The following WDPCP variants were observed in gnomAD, a reference collection of about 807,000 sequenced individuals.
WDPCP encodes WD repeat containing planar cell polarity effector.
A neutral mutation model predicts 93.1 loss-of-function variants in WDPCP; 71 were observed. The observed-to-expected ratio is 0.76, with a 90% CI of 0.63 to 0.93. WDPCP has a LOEUF of 0.93. WDPCP is among the 40% of genes least tolerant of loss of function. The probability of loss-of-function intolerance (pLI) is 0.00; values close to 1 mark genes in which losing one functional copy is unlikely to be tolerated. For synonymous variants in WDPCP, 315 were observed against 315.0 expected (o/e 1.00, Z 0.00); for missense variants, 844 against 887.4 (o/e 0.95, Z 0.62).
intron 1 of WDPCP, among the ~76,000 whole-genome samples, chr2:63,520,704 C>A (rs1252955398): frequency 6.6e-6 from 1 of 151,988 alleles, no homozygotes. Context: ...CCAGCCTGGG[C>A]AACATGGCAA....
rs147079221 is a variant in WDPCP at position 63,709,310 on chromosome 2, G to A, written n.309-58472C>T. 4.3e-3 allele frequency among the ~76,000 whole-genome samples: 654 copies of A among 151,898 alleles called. 4 individuals carry two copies. The highest frequency in any genetic ancestry group is 0.015 in the African/African-American group (603 of 41,406). ...AGCCTGGGTAACAGACCGAAACTCC[G>A]TCCCGAAAAAAAGAATGGAAAATTT... On this transcript the variant is annotated intron_variant and non_coding_transcript_variant, in intron 2 of 4. Transcript: ENST00000467687.
the WDPCP span, among the ~76,000 whole-genome samples, chr2:63,833,114 G>A: frequency 6.6e-6 from 1 of 152,282 alleles, no homozygotes; most frequent in East Asian, 1.9e-4. Context: ...CTAGCCAGGT[G>A]TGGTGGCAGG....
intron 2 of WDPCP, among the ~76,000 whole-genome samples, chr2:63,713,478 G>A (rs17619598): frequency 0.18 from 27,659 of 152,102 alleles, 2,756 homozygotes; most frequent in Middle Eastern, 0.27. Flanking sequence ...ATGTCTATGG[G>A]AACGTTCTGA....
chr2:63,700,773 A>C (rs1007249519), intron 2 of WDPCP, among the ~76,000 whole-genome samples: 4 of 152,188 alleles, frequency 2.6e-5, no homozygotes, highest in Non-Finnish European at 5.9e-5. Flanking sequence ...ATGGGGAAAG[A>C]ACAGGCTCTT....
chr2:63,323,511 T>C (rs1294408750), intron 12 of WDPCP, among the ~76,000 whole-genome samples: 2 of 152,148 alleles, frequency 1.3e-5, no homozygotes, highest in Admixed American at 6.5e-5. Context: ...TCAGAAATTG[T>C]ATCCTTCCTA....
intron 1 of WDPCP, among the ~76,000 whole-genome samples, chr2:63,555,893 T>G (rs1553432399): frequency 6.6e-6 from 1 of 151,720 alleles, no homozygotes; most frequent in Non-Finnish European, 1.5e-5. Context: ...CTCACAAAGA[T>G]GAGAAAGAAT....
intron 12 of WDPCP, among the ~76,000 whole-genome samples, chr2:63,337,626 G>C (rs1249617945): frequency 6.6e-6 from 1 of 152,158 alleles, no homozygotes; most frequent in South Asian, 2.1e-4. Context: ...CTCACCAACG[G>C]TGTATAAGAA....
Position 63,579,669 on chromosome 2 carries a change from C to G in WDPCP, c.75+8528G>C, listed in dbSNP as rs146046410. ...ACAATCACTTAAAGAAAAACAAAGC[C>G]TTTCGTACTGATGCAATCCACTGAA... On this transcript the variant is annotated intron_variant, in intron 1 of 17. Transcript: ENST00000272321. Among the ~76,000 whole-genome samples the G allele has an allele frequency of 2.7e-3, 416 of 151,980 alleles. 1 individual carries two copies. The highest frequency in any genetic ancestry group is 6.8e-3 in the Middle Eastern group (2 of 294).
chr2:63,496,185 TTAAA>T (rs1701211628), intron 1 of WDPCP, among the ~76,000 whole-genome samples: 1 of 152,182 alleles, frequency 6.6e-6, no homozygotes, highest in African/African-American at 2.4e-5. Flanking sequence ...CTTATGTAAA[TTAAA>T]TACAGATAAA....
At chr2:63,575,487 A>ACTG (rs1558833229) in intron 1 of WDPCP, among the ~76,000 whole-genome samples, 2 of 116,534 alleles carry the variant, frequency 1.7e-5, no homozygotes, top group Admixed American at 8.0e-5. Flanking sequence ...CAGTGTATAT[A>ACTG]TAGTATATAC....
chr2:63,133,004 G>A (rs1236557786), intron 17 of WDPCP, among the ~76,000 whole-genome samples: 1 of 152,196 alleles, frequency 6.6e-6, no homozygotes, highest in African/African-American at 2.4e-5. Context: ...ATTCTCTGTA[G>A]ACTGGCTCTT....
intron 2 of WDPCP, among the ~76,000 whole-genome samples, chr2:63,692,348 A>G (rs528942647): frequency 1.3e-5 from 2 of 152,292 alleles, no homozygotes; most frequent in Admixed American, 6.5e-5. Context: ...TAAAAATGAA[A>G]ACATTTAACT....
chr2:63,801,840 G>C (rs559205977), intron 2 of WDPCP, among the ~76,000 whole-genome samples: 3 of 152,136 alleles, frequency 2.0e-5, no homozygotes, highest in Non-Finnish European at 4.4e-5. Flanking sequence ...CACAAAGCAA[G>C]CGATCCAAGA....
chr2:63,276,788 G>T (rs1002307281), intron 13 of WDPCP, among the ~76,000 whole-genome samples: 1 of 152,194 alleles, frequency 6.6e-6, no homozygotes, highest in Non-Finnish European at 1.5e-5. Context: ...AAATCTAAAA[G>T]TCTGGAAAAC....
intron 6 of WDPCP, among the ~76,000 whole-genome samples, chr2:63,470,595 C>T (rs1233723217): frequency 1.3e-5 from 2 of 152,138 alleles, no homozygotes; most frequent in Non-Finnish European, 1.5e-5. Context: ...TGGACTACGG[C>T]AACAGCCTTC....
intron 3 of WDPCP, chr2:63,622,089 G>GTCTT: frequency 1.8e-6 from 1 of 549,142 alleles, no homozygotes; most frequent in South Asian, 5.8e-5. Flanking sequence ...TTTTTTGGAA[G>GTCTT]TTGATTTTTA....
upstream of WDPCP, among the ~76,000 whole-genome samples, chr2:63,829,175 A>C (rs1463118131): frequency 6.6e-6 from 1 of 152,154 alleles, no homozygotes; most frequent in Non-Finnish European, 1.5e-5. Context: ...TAGGAAATAC[A>C]TTTTACAGGT....
chr2:63,479,864 C>A (rs1700170095), intron 6 of WDPCP, among the ~76,000 whole-genome samples: 1 of 152,032 alleles, frequency 6.6e-6, no homozygotes, highest in Non-Finnish European at 1.5e-5. Context: ...CAAAATAGTA[C>A]TGGAAGTCTC....
At chr2:63,230,162 A>C (rs1156963266) in intron 14 of WDPCP, among the ~76,000 whole-genome samples, 1 of 137,990 alleles carries the variant, frequency 7.2e-6, no homozygotes, top group African/African-American at 2.7e-5. Context: ...TTCAATTCCC[A>C]CTTATGAGTG....
Sources: allele counts gnomAD v4.1 joint callset (sites outside exome capture counted in the v4.1 genomes callset), GRCh38; gene constraint gnomAD v4.1.1; transcripts MANE v1.5; gene names NCBI Gene and HGNC (gene_info 2026-07-23, HGNC 2026-07-21).